KSR2: variants seen among roughly 807,000 people sequenced by gnomAD.
KSR2 encodes the protein kinase suppressor of ras 2.
KSR2 carries 25 observed loss-of-function variants against 107.8 expected under a neutral mutation model. That is an observed-to-expected ratio of 0.23 (90% confidence interval 0.17 to 0.32). KSR2 has a LOEUF of 0.32. Among genes scored for constraint, KSR2 ranks in the 10% least tolerant of loss-of-function variants. The probability of loss-of-function intolerance (pLI) is 1.00; values close to 1 mark genes in which losing one functional copy is unlikely to be tolerated. For missense variants in KSR2, 887 were observed against 1,268.9 expected, an observed-to-expected ratio of 0.70 and a Z score of 4.57; for synonymous variants, 480 against 507.0, an observed-to-expected ratio of 0.95 and a Z score of 0.71.
At chr12:117,507,501 A>G (rs1008034234) in intron 14 of KSR2, among the ~76,000 whole-genome samples, 9 of 152,194 alleles carry the variant, frequency 5.9e-5, no homozygotes, top group Non-Finnish European at 1.2e-4. Flanking sequence ...TTCAGACTGG[A>G]TGGGGAAGAA....
chr12:117,614,271 G>A (rs1466500249), intron 5 of KSR2, among the ~76,000 whole-genome samples: 1 of 152,098 alleles, frequency 6.6e-6, no homozygotes, highest in Non-Finnish European at 1.5e-5. Flanking sequence ...ACATATTCTG[G>A]TGGCAGAATG....
intron 5 of KSR2, among the ~76,000 whole-genome samples, chr12:117,591,741 C>T (rs562602810): frequency 1.3e-5 from 2 of 151,602 alleles, no homozygotes; most frequent in Non-Finnish European, 2.9e-5. Context: ...CAGTGGCTCA[C>T]GTCCGTAATC....
chr12:117,589,931 T>C lies in KSR2; in HGVS notation c.1172-7572A>G, dbSNP rs544864358. ...GGGGCCCTTGATGGCTATGGAGGCT[T>C]CCCTGGAATCCCTTGAAACTGGTGA... On this transcript the variant is annotated intron_variant, in intron 5 of 19. Transcript: ENST00000339824. Among the ~76,000 whole-genome samples the C allele has an allele frequency of 2.8e-4, 43 of 152,280 alleles. 1 individual carries two copies. In the South Asian group the frequency reaches 7.9e-3, roughly 28 times the overall value.
rs1870838739 is a variant in KSR2, at chr12:117,460,540, G to A, written c.*6659C>T. 6.6e-6 allele frequency: 1 copy of A among 152,186 alleles called. No individual in the cohort carries two copies. The highest frequency in any genetic ancestry group is 2.4e-5 in the African/African-American group (1 of 41,432). The allele number at this position is 152,186 out of a possible 1,614,324, so 9.4% of individuals were successfully genotyped here. A position where few individuals can be genotyped will look rare whatever the true frequency, so the allele number is the denominator to read the frequency against. ...GCAGCCTGTCAGTTTGAGAACATAA[G>A]TTCAAGCTTCCGTGCAAACTCCCAG... On this transcript the variant is annotated 3_prime_UTR_variant, in exon 20 of 20. Transcript: ENST00000339824.
rs79054573 is a variant in KSR2 at position 117,712,540 on chromosome 12, C to T, written c.987-44882G>A. On this transcript the variant is annotated intron_variant, in intron 4 of 19. Transcript: ENST00000339824. ...GCTCCTTCTTGGGCCTCACTCCCTCCACCTGTAAAATGGGGCAATGAGCTT... is the reference window on the plus strand; with the variant it reads ...GCTCCTTCTTGGGCCTCACTCCCTCTACCTGTAAAATGGGGCAATGAGCTT... 1.8e-3 allele frequency among the ~76,000 whole-genome samples: 273 copies of T among 152,318 alleles called. 4 individuals carry two copies. The highest frequency in any genetic ancestry group is 0.015 in the Admixed American group (234 of 15,304).
intron 3 of KSR2, among the ~76,000 whole-genome samples, chr12:117,768,094 C>G (rs916473007): frequency 2.0e-5 from 3 of 152,208 alleles, no homozygotes; most frequent in Admixed American, 2.0e-4. Flanking sequence ...GGAGCTGAAA[C>G]TCCCCTAATC....
chr12:117,459,359 A>AAGG lies in KSR2; in HGVS notation c.*7837_*7839dup, dbSNP rs10651018. 0.5 allele frequency: 76,183 copies of AAGG among 151,620 alleles called. 20,391 individuals carry two copies. Among genetic ancestry groups the AAGG allele is most frequent in the African/African-American group, 0.7 (28,696 of 41,260 alleles). 9.4% of individuals were successfully genotyped at this position (151,620 alleles called of 1,614,324 possible). ...TGGGCCTCAGATCCTGCTTCTGTGA[A>AAGG]AGGAGAAGAGTGAGATAAGGGAGGG... is the stretch of plus-strand genomic sequence containing the variant. On this transcript the variant is annotated 3_prime_UTR_variant, in exon 20 of 20. Transcript: ENST00000339824.
In KSR2 at chr12:117,532,462, A is replaced by G. The variant is rs527826326; in HGVS notation, c.1688-755T>C. On this transcript the variant is annotated intron_variant, in intron 10 of 19. Coordinates refer to ENST00000339824, the MANE Select transcript of KSR2 (RefSeq NM_173598.6). ...TTAGGGACTGCCCAGATAAGCTAAGATAATCCTCCCATCTCAAGATCCATA... is the reference window on the plus strand; with the variant it reads ...TTAGGGACTGCCCAGATAAGCTAAGGTAATCCTCCCATCTCAAGATCCATA... 1.3e-4 allele frequency among the ~76,000 whole-genome samples: 20 copies of G among 152,322 alleles called. No individual in the cohort carries two copies. The East Asian group carries it at 3.9e-3, about 29-fold the overall frequency.
intron 3 of KSR2, among the ~76,000 whole-genome samples, chr12:117,776,594 C>T (rs1889692922): frequency 6.6e-6 from 1 of 152,142 alleles, no homozygotes. Context: ...TTGGAGACCA[C>T]AGGCCCCTGG....
At position 117,761,359 on chromosome 12, in the gene KSR2, C is replaced by A; in HGVS notation, c.638G>T (p.Ser213Ile). ...GTACACAGGGGCCCCGGGAGTGGGG[C>A]TGGTGTGACAATAGTGCTGGACGCA... ...SKCVQHYCHT[S>I]PTPGAPVYTH... The change falls in exon 4 of 20, where the codon AGC (serine) becomes ATC (isoleucine). Residue 213 changes from serine to isoleucine, a missense_variant. Coordinates refer to ENST00000339824, the MANE Select transcript of KSR2 (RefSeq NM_173598.6). The A allele has an allele frequency of 6.3e-7, 1 of 1,592,068 alleles. No individual in the cohort carries two copies. The highest frequency in any genetic ancestry group is 1.1e-5 in the South Asian group (1 of 88,452).
At chr12:117,626,360 C>G (rs1220762205) in intron 5 of KSR2, among the ~76,000 whole-genome samples, 3 of 152,230 alleles carry the variant, frequency 2.0e-5, no homozygotes, top group Non-Finnish European at 2.9e-5. Context: ...AAATTTCCCT[C>G]TACACATTGC....
intron 3 of KSR2, among the ~76,000 whole-genome samples, chr12:117,776,851 T>G (rs1889701465): frequency 6.6e-6 from 1 of 152,036 alleles, no homozygotes; most frequent in African/African-American, 2.4e-5. Flanking sequence ...CTCATGACCC[T>G]TACCACTCAG....
intron 14 of KSR2, among the ~76,000 whole-genome samples, chr12:117,505,466 G>C (rs904092506): frequency 3.7e-5 from 4 of 106,998 alleles, no homozygotes; most frequent in Non-Finnish European, 7.8e-5. Flanking sequence ...AAGCTCAAAT[G>C]CTTCTGTTGC....
At chr12:117,699,863 C>T (rs1886231352) in intron 4 of KSR2, among the ~76,000 whole-genome samples, 1 of 152,076 alleles carries the variant, frequency 6.6e-6, no homozygotes, top group South Asian at 2.1e-4. Flanking sequence ...TTTTCAGCTT[C>T]ATTATAATCT....
At chr12:117,906,353 C>CAAA (rs57733205) in intron 1 of KSR2, among the ~76,000 whole-genome samples, 59 of 58,110 alleles carry the variant, frequency 1.0e-3, no homozygotes, top group South Asian at 3.4e-3. Flanking sequence ...AACTCTGTCT[C>CAAA]AAAAAAAAAA....
intron 5 of KSR2, among the ~76,000 whole-genome samples, chr12:117,645,192 C>T (rs1325865862): frequency 6.6e-6 from 1 of 152,154 alleles, no homozygotes. Context: ...ATAAAACTCA[C>T]AAGGAGAAAA....
chr12:117,493,370 C>T (rs1185616348), intron 14 of KSR2, among the ~76,000 whole-genome samples: 1 of 152,114 alleles, frequency 6.6e-6, no homozygotes, highest in Non-Finnish European at 1.5e-5. Flanking sequence ...TCTCCCAGTG[C>T]CTGGAGGTCC....
chr12:117,906,703 C>G (rs1255827380), intron 1 of KSR2, among the ~76,000 whole-genome samples: 1 of 152,080 alleles, frequency 6.6e-6, no homozygotes, highest in Non-Finnish European at 1.5e-5. Context: ...CTTATAGCAG[C>G]AGTTCTCAGT....
intron 5 of KSR2, among the ~76,000 whole-genome samples, chr12:117,636,410 G>T: frequency 1.3e-5 from 2 of 151,310 alleles, no homozygotes; most frequent in South Asian, 4.2e-4. Flanking sequence ...TATATAATAA[G>T]AAAACATTTA....
Sources: allele counts gnomAD v4.1 joint callset (sites outside exome capture counted in the v4.1 genomes callset), GRCh38; gene constraint gnomAD v4.1.1; transcripts MANE v1.5; gene names NCBI Gene and HGNC (gene_info 2026-07-23, HGNC 2026-07-21).